The following CCPG1 variants were observed in gnomAD, a reference collection of about 807,000 sequenced individuals.
CCPG1 encodes cell cycle progression protein 1.
Under a neutral mutation model 81.3 loss-of-function variants are expected in CCPG1, and 46 were observed. That is an observed-to-expected ratio of 0.57 (90% CI 0.45 to 0.72). The LOEUF (loss-of-function observed/expected upper bound fraction) is 0.72, where lower values mean the gene tolerates loss of function less well. Ranked by LOEUF, CCPG1 falls within the 30% of genes least tolerant of loss-of-function variation. The probability of loss-of-function intolerance (pLI) is 0.00; values close to 1 mark genes in which losing one functional copy is unlikely to be tolerated. For synonymous variants in CCPG1, 330 were observed against 305.2 expected (o/e 1.08, Z -0.85); for missense variants, 902 against 937.6 (o/e 0.96, Z 0.50).
chr15:55,377,648 G>A (rs767347472), intron 4 of CCPG1, among the ~76,000 whole-genome samples: 2 of 152,230 alleles, frequency 1.3e-5, no homozygotes, highest in African/African-American at 2.4e-5. Context: ...ACCTTTAGGA[G>A]GTGACTGAGT....
intron 7 of CCPG1, among the ~76,000 whole-genome samples, chr15:55,364,654 G>A (rs971400666): frequency 4.0e-5 from 6 of 150,496 alleles, no homozygotes; most frequent in Non-Finnish European, 8.9e-5. Flanking sequence ...GTGGGTAGAC[G>A]GAGGTCAGGA....
At chr15:55,407,935 A>C (rs1048337583) in intron 1 of CCPG1, 1 of 152,498 alleles carries the variant, frequency 6.6e-6, no homozygotes, top group Non-Finnish European at 1.5e-5. Flanking sequence ...CAGCTCTCCC[A>C]CCCTTGGCGC....
rs536525648 is a variant in CCPG1, at chr15:55,407,267, C to T, written c.-10+954G>A. ...ATATGAATTAAAATAATACCCTCAC[C>T]ATCTCCATCTTCTGCTATATGACCT... is the stretch of plus-strand genomic sequence containing the variant. On this transcript the variant is annotated intron_variant, in intron 1 of 8. Coordinates refer to ENST00000442196, the MANE Select transcript of CCPG1 (RefSeq NM_001204450.2). Among the ~76,000 whole-genome samples the T allele has an allele frequency of 2.6e-5, 4 of 151,840 alleles. No homozygotes were observed. The South Asian group carries it at 8.3e-4, about 32-fold the overall frequency.
At chr15:55,387,830 G>GC (rs113013972) in intron 2 of CCPG1, among the ~76,000 whole-genome samples, 146,211 of 146,224 alleles carry the variant, frequency 1, 73,099 homozygotes, top group Middle Eastern at 1. Context: ...ACAGGCGTGA[G>GC]CACCACGCCC....
rs574032847 is a variant in CCPG1, at chr15:55,376,977, G to A, written c.426C>T (p.Ser142=). The A allele has an allele frequency of 6.2e-7, 1 of 1,613,310 alleles. No individual in the cohort carries two copies. Among genetic ancestry groups the A allele is most frequent in the Non-Finnish European group, 8.5e-7 (1 of 1,179,834 alleles). ...TTTCTGGCTGACAGAAAGTATACTG[G>A]CTGCTAGAGGAAGAGCCCATGTTAA... The part of the protein sequence containing the change: ...EDFNMGSSSS[S]QYTFCQPETV... The change falls in exon 5 of 9, where the codon AGC becomes AGT. Residue 142 remains serine (S), a synonymous_variant. Transcript: ENST00000442196.
intron 2 of CCPG1, among the ~76,000 whole-genome samples, chr15:55,387,648 G>A (rs923744769): frequency 1.3e-5 from 2 of 151,542 alleles, no homozygotes; most frequent in African/African-American, 2.4e-5. Context: ...AGGTTCAAGC[G>A]ATTGTCCTGC....
chr15:55,407,020 C>T (rs7183834), intron 1 of CCPG1, among the ~76,000 whole-genome samples: 31,630 of 145,034 alleles, frequency 0.22, 4,463 homozygotes, highest in Non-Finnish European at 0.3. Context: ...CAAGACCAGC[C>T]TGGCCGACAC....
intron 1 of CCPG1, among the ~76,000 whole-genome samples, chr15:55,406,199 C>T (rs886641503): frequency 1.1e-4 from 16 of 147,322 alleles, no homozygotes; most frequent in Non-Finnish European, 2.4e-4. Flanking sequence ...TCATAGAGTC[C>T]ATAACTGGAA....
intron 1 of CCPG1, among the ~76,000 whole-genome samples, chr15:55,393,295 C>G (rs2056958183): frequency 6.6e-6 from 1 of 152,044 alleles, no homozygotes; most frequent in Non-Finnish European, 1.5e-5. Flanking sequence ...TTTTAATCAG[C>G]AGGACATGGT....
At chr15:55,404,250 T>C (rs187932772) in intron 1 of CCPG1, among the ~76,000 whole-genome samples, 6 of 152,292 alleles carry the variant, frequency 3.9e-5, no homozygotes, top group African/African-American at 1.4e-4. Flanking sequence ...CAGTGTTTTT[T>C]GTAAAACACT....
intron 1 of CCPG1, among the ~76,000 whole-genome samples, chr15:55,401,359 C>T (rs566141321): frequency 1.3e-5 from 2 of 152,240 alleles, no homozygotes; most frequent in South Asian, 4.2e-4. Flanking sequence ...TTCAACCTTC[C>T]CTGTCCCTCC....
chr15:55,392,991 C>T (rs533979099), intron 1 of CCPG1, among the ~76,000 whole-genome samples: 1 of 152,286 alleles, frequency 6.6e-6, no homozygotes, highest in East Asian at 1.9e-4. Context: ...GTAATCCCAG[C>T]TACTCGAGAG....
chr15:55,374,154 C>A, intron 5 of CCPG1: 2 of 1,287,620 alleles, frequency 1.6e-6, no homozygotes, highest in Non-Finnish European at 2.0e-6. Flanking sequence ...AGTCACACCA[C>A]CTTGGAAAGC....
At chr15:55,378,278 A>C (rs1436651728) in intron 4 of CCPG1, 22 bp downstream of exon 4, 1 of 1,424,704 alleles carries the variant, frequency 7.0e-7, no homozygotes, top group East Asian at 2.3e-5. Context: ...ACATATATCC[A>C]CAGTGTAAAA....
In CCPG1 at chr15:55,359,594, C is replaced by T. The variant is rs752118457; in HGVS notation, c.2179G>A (p.Glu727Lys). The T allele has an allele frequency of 4.3e-6, 7 of 1,612,880 alleles. No individual in the cohort carries two copies. The African/African-American group carries it at 6.7e-5, about 15-fold the overall frequency. Residue 727 changes from glutamate to lysine, a missense_variant, in exon 8 of 9, where the codon GAA becomes AAA. Physicochemically the swap from Glu to Lys is moderately conservative, Grantham distance 56. Transcript: ENST00000442196. ...DNDGVFEKLD[E>K]YIYRHFFGHT... ...CCAAAGAAGTGTCTATATATATATT[C>T]ATCCAACTTCTCAAATACTCCATCA...
chr15:55,406,569 T>G (rs531291274), intron 1 of CCPG1, among the ~76,000 whole-genome samples: 6 of 151,612 alleles, frequency 4.0e-5, no homozygotes, highest in African/African-American at 1.5e-4. Context: ...TTCTCCTGCT[T>G]CAGCCTCCCA....
intron 1 of CCPG1, among the ~76,000 whole-genome samples, chr15:55,390,941 AG>A (rs2056902021): frequency 6.6e-6 from 1 of 152,192 alleles, no homozygotes; most frequent in Non-Finnish European, 1.5e-5. Context: ...AGGCCCAGGC[AG>A]TTTATAACTC....
intron 2 of CCPG1, among the ~76,000 whole-genome samples, chr15:55,388,233 T>C (rs1016832673): frequency 3.9e-5 from 6 of 152,152 alleles, no homozygotes; most frequent in Admixed American, 3.9e-4. Context: ...ATTATAGATG[T>C]CCATTAAAAC....
chr15:55,401,105 A>G (rs755353425), intron 1 of CCPG1, among the ~76,000 whole-genome samples: 10 of 152,304 alleles, frequency 6.6e-5, no homozygotes, highest in Middle Eastern at 3.4e-3. Context: ...TTTTACATTT[A>G]GCTGTTTAAT....
Sources: allele counts gnomAD v4.1 joint callset (sites outside exome capture counted in the v4.1 genomes callset), GRCh38; gene constraint gnomAD v4.1.1; transcripts MANE v1.5; gene names NCBI Gene and HGNC (gene_info 2026-07-23, HGNC 2026-07-21).